Variants in NMNAT3 observed in about 807,000 individuals in gnomAD.
NMNAT3 encodes the protein nicotinamide nucleotide adenylyltransferase 3.
A neutral mutation model predicts 24.8 loss-of-function variants in NMNAT3; 21 were observed. The ratio of observed to expected loss-of-function variants is 0.85; its 90% CI spans 0.60 to 1.22. The LOEUF (loss-of-function observed/expected upper bound fraction) is 1.22. NMNAT3 is among the 50% of genes most tolerant of loss of function. The probability of loss-of-function intolerance (pLI) is 0.00; values close to 1 mark genes in which losing one functional copy is unlikely to be tolerated. For synonymous variants in NMNAT3, 136 were observed against 155.2 expected (o/e 0.88, Z 0.92); for missense variants, 387 against 436.6 (o/e 0.89, Z 1.01).
At chr3:139,582,911 T>C in intron 4 of NMNAT3, 3 of 1,407,266 alleles carry the variant, frequency 2.1e-6, no homozygotes, top group Non-Finnish European at 2.8e-6. Flanking sequence ...CAAAAAAATA[T>C]ATATATATTT....
intron 1 of NMNAT3, among the ~76,000 whole-genome samples, chr3:139,652,480 TGA>T (rs547351163): frequency 8.4e-4 from 128 of 152,202 alleles, no homozygotes; most frequent in South Asian, 1.7e-3. Flanking sequence ...AGGAGTGAGC[TGA>T]GATGAGATTC....
intron 2 of NMNAT3, chr3:139,636,023 A>C (rs1446474300): frequency 6.6e-6 from 1 of 152,200 alleles, no homozygotes; most frequent in Non-Finnish European, 1.5e-5. Flanking sequence ...TTTGACAAAG[A>C]ATAGGTCAAG....
intron 1 of NMNAT3, among the ~76,000 whole-genome samples, chr3:139,660,737 ATAAGG>A (rs1223733060): frequency 6.6e-6 from 1 of 152,198 alleles, no homozygotes; most frequent in African/African-American, 2.4e-5. Flanking sequence ...CAGTTAGAAG[ATAAGG>A]TAACAACAAA....
chr3:139,675,447 CT>C (rs1267246172), intron 1 of NMNAT3, among the ~76,000 whole-genome samples: 1 of 152,170 alleles, frequency 6.6e-6, no homozygotes, highest in East Asian at 1.9e-4. Context: ...CTTTTCAACC[CT>C]AGTTTTCTCC....
At chr3:139,609,385 C>T (rs9838690) in intron 3 of NMNAT3, among the ~76,000 whole-genome samples, 141,511 of 152,266 alleles carry the variant, frequency 0.93, 66,675 homozygotes, top group East Asian at 1. Flanking sequence ...CTCGGCATTC[C>T]TTCCAAAATT....
At chr3:139,663,480 CAAT>C (rs1434377566) in intron 1 of NMNAT3, among the ~76,000 whole-genome samples, 1 of 152,180 alleles carries the variant, frequency 6.6e-6, no homozygotes, top group Non-Finnish European at 1.5e-5. Context: ...CTCAGAGAAG[CAAT>C]GGTGCTTACT....
At chr3:139,577,882 AATG>A (rs1939573375) in intron 5 of NMNAT3, 1 of 152,228 alleles carries the variant, frequency 6.6e-6, no homozygotes, top group African/African-American at 2.4e-5. Context: ...ATAAAAACTA[AATG>A]ATTACCTCTA....
intron 6 of NMNAT3, chr3:139,566,505 T>G (rs978487656): frequency 2.0e-5 from 3 of 152,194 alleles, no homozygotes; most frequent in Non-Finnish European, 4.4e-5. Context: ...GGTCTAACAT[T>G]TAAGTCTTTA....
At chr3:139,633,140 A>C in intron 2 of NMNAT3, among the ~76,000 whole-genome samples, 1 of 151,520 alleles carries the variant, frequency 6.6e-6, no homozygotes. Flanking sequence ...TAAACTTCTG[A>C]CCTACAAAAC....
At chr3:139,627,490 A>G in intron 3 of NMNAT3, 126 bp downstream of exon 4, 1 of 574,316 alleles carries the variant, frequency 1.7e-6, no homozygotes, top group Non-Finnish European at 3.1e-6. Flanking sequence ...TGATGAAAAA[A>G]ATATGCCACT....
chr3:139,583,569 G>C, intron 3 of NMNAT3: 2 of 730,302 alleles, frequency 2.7e-6, no homozygotes, highest in South Asian at 3.1e-5. Flanking sequence ...CTTCATTTGA[G>C]AAATATAGGT....
intron 3 of NMNAT3, among the ~76,000 whole-genome samples, chr3:139,603,903 GT>G (rs1433110479): frequency 4.6e-5 from 7 of 152,150 alleles, no homozygotes; most frequent in Admixed American, 1.3e-4. Flanking sequence ...AGAAAGCATA[GT>G]TTCATTATTC....
intron 2 of NMNAT3, chr3:139,635,752 A>G (rs1344571053): frequency 1.3e-5 from 2 of 152,292 alleles, no homozygotes; most frequent in African/African-American, 2.4e-5. Context: ...CGACTCCTCA[A>G]TATCCATTCT....
At chr3:139,642,574 G>T (rs968216601) in intron 1 of NMNAT3, among the ~76,000 whole-genome samples, 4 of 152,128 alleles carry the variant, frequency 2.6e-5, no homozygotes, top group Non-Finnish European at 5.9e-5. Flanking sequence ...ATTTTTGGTT[G>T]GCACTGTGAC....
Position 139,579,062 on chromosome 3 carries a change from AAG to A in NMNAT3, c.392-9_392-8del, listed in dbSNP as rs779615417. ...TGGATGACCTGGTACATTCCTAGGT[AAG>A]AGAGAGCAGTGGTGTTGCACATACA... On this transcript the variant is annotated splice_region_variant and splice_polypyrimidine_tract_variant and intron_variant, in intron 4 of 6. Coordinates refer to ENST00000643695, the MANE Select transcript of NMNAT3 (RefSeq NM_001320510.2). 4 of 1,611,404 alleles carry A rather than the reference AAG, an allele frequency of 2.5e-6. No individual in the cohort carries two copies. Among genetic ancestry groups the A allele is most frequent in the East Asian group, 2.2e-5 (1 of 44,866 alleles).
intron 3 of NMNAT3, among the ~76,000 whole-genome samples, chr3:139,598,392 T>C (rs79666914): frequency 0.018 from 2,692 of 152,260 alleles, 77 homozygotes; most frequent in African/African-American, 0.061. Context: ...TTACATCTTA[T>C]GGTCTTGGGG....
At chr3:139,638,147 G>A (rs1369350048) in intron 1 of NMNAT3, 85 bp from the exon 2 acceptor site, 5 of 152,136 alleles carry the variant, frequency 3.3e-5, no homozygotes, top group African/African-American at 4.8e-5. Context: ...TTCAAAATGT[G>A]GTACTTCTCC....
intron 1 of NMNAT3, chr3:139,672,783 G>C (rs2057800995): frequency 6.6e-6 from 1 of 152,180 alleles, no homozygotes; most frequent in South Asian, 2.1e-4. Flanking sequence ...ATTCAAGTAT[G>C]GACAGAGAAT....
intron 1 of NMNAT3, among the ~76,000 whole-genome samples, chr3:139,661,601 T>A (rs756647090): frequency 1.3e-5 from 2 of 152,104 alleles, no homozygotes; most frequent in Non-Finnish European, 2.9e-5. Context: ...TCCCAGGAGT[T>A]CAAGGTGATA....
Sources: gnomAD v4.1 joint callset for allele counts (sites outside exome capture counted in the v4.1 genomes callset) on GRCh38, gnomAD v4.1.1 for gene constraint, MANE v1.5 for transcripts, NCBI Gene and HGNC (gene_info 2026-07-23, HGNC 2026-07-21) for gene names.